The following CSMD3 variants were observed in gnomAD, a reference collection of about 807,000 sequenced individuals.
CSMD3 encodes CUB and sushi domain-containing protein 3.
CSMD3 carries 177 observed loss-of-function variants against 435.2 expected under a neutral mutation model. The observed-to-expected ratio is 0.41, with a 90% CI of 0.36 to 0.46. The LOEUF (loss-of-function observed/expected upper bound fraction) is 0.46. CSMD3 is among the 20% of genes least tolerant of loss of function. The pLI is 0.34. For synonymous variants in CSMD3, 1,656 were observed against 1,520.5 expected (o/e 1.09, Z -2.07); for missense variants, 4,265 against 4,504.6 (o/e 0.95, Z 1.52).
chr8:112,453,452 A>G (rs1007258092), intron 32 of CSMD3, among the ~76,000 whole-genome samples: 2 of 152,180 alleles, frequency 1.3e-5, no homozygotes, highest in African/African-American at 4.8e-5. Flanking sequence ...AATCTGTAGC[A>G]TTCCTATACA....
intron 21 of CSMD3, 36 bp downstream of exon 21, chr8:112,638,660 T>A (rs2131588007): frequency 7.8e-7 from 1 of 1,288,828 alleles, no homozygotes; most frequent in Non-Finnish European, 1.1e-6. Flanking sequence ...TTTTTAAAAG[T>A]TACTGAATGA....
At chr8:113,269,945 A>G (rs1407627557) in intron 3 of CSMD3, among the ~76,000 whole-genome samples, 1 of 151,820 alleles carries the variant, frequency 6.6e-6, no homozygotes, top group Admixed American at 6.6e-5. Flanking sequence ...ATGGCAACAA[A>G]AGACAAAATT....
chr8:112,782,041 A>G (rs1242389517), intron 13 of CSMD3, among the ~76,000 whole-genome samples: 1 of 152,140 alleles, frequency 6.6e-6, no homozygotes, highest in African/African-American at 2.4e-5. Flanking sequence ...GGCATCTACG[A>G]ACATCCACAA....
chr8:112,315,924 T>C (rs1451666756), intron 47 of CSMD3, among the ~76,000 whole-genome samples: 1 of 151,832 alleles, frequency 6.6e-6, no homozygotes, highest in East Asian at 1.9e-4. Flanking sequence ...AAACTACTAA[T>C]GTAGTTGCTG....
At chr8:112,372,950 G>GT (rs60504412) in intron 38 of CSMD3, among the ~76,000 whole-genome samples, 57,905 of 146,830 alleles carry the variant, frequency 0.39, 12,910 homozygotes, top group Middle Eastern at 0.55. Flanking sequence ...TGTCTGTGTA[G>GT]TAACTCTGCC....
chr8:113,052,419 T>G (rs190749155), intron 5 of CSMD3, among the ~76,000 whole-genome samples: 1 of 152,350 alleles, frequency 6.6e-6, no homozygotes, highest in East Asian at 1.9e-4. Context: ...ATTCAATTTT[T>G]TTAAAAAGCA....
intron 38 of CSMD3, among the ~76,000 whole-genome samples, chr8:112,376,912 G>A (rs1402577023): frequency 1.3e-5 from 2 of 152,104 alleles, no homozygotes; most frequent in African/African-American, 2.4e-5. Flanking sequence ...ATTTTAAGTA[G>A]AGTGTAAGAA....
intron 45 of CSMD3, among the ~76,000 whole-genome samples, chr8:112,331,198 A>T (rs996525317): frequency 2.0e-5 from 3 of 152,028 alleles, no homozygotes; most frequent in Admixed American, 6.6e-5. Context: ...ATTTATTTTG[A>T]GTAATTTATC....
At chr8:112,238,562 A>T (rs952569749) in intron 66 of CSMD3, among the ~76,000 whole-genome samples, 1 of 151,988 alleles carries the variant, frequency 6.6e-6, no homozygotes, top group Admixed American at 6.6e-5. Flanking sequence ...ATCACTTTGG[A>T]GTAATGTAAT....
chr8:113,240,283 G>A lies in CSMD3; in HGVS notation c.514+38309C>T, dbSNP rs534789830. On this transcript the variant is annotated intron_variant, in intron 3 of 70. Transcript: ENST00000297405. ...TGATGAGCATTTAGGTTGATTCCAT[G>A]TCTTTGCTGTTGTGAACAGTGCTGC... is the stretch of plus-strand genomic sequence containing the variant. Among the ~76,000 whole-genome samples the A allele has an allele frequency of 2.6e-5, 4 of 152,200 alleles. No homozygotes were observed. The South Asian group carries it at 6.2e-4, about 24-fold the overall frequency.
At position 113,210,044 on chromosome 8, in the gene CSMD3, G is replaced by GTGTGTGTGTGTGTGTGTA. The variant is rs57446626; in HGVS notation, c.515-36129_515-36128insTACACACACACACACACA. Among the ~76,000 whole-genome samples, 4 of 149,452 alleles carry GTGTGTGTGTGTGTGTGTA rather than the reference G, an allele frequency of 2.7e-5. No individual in the cohort carries two copies. In the East Asian group the frequency reaches 7.9e-4, roughly 29 times the overall value. The stretch of plus-strand genomic sequence containing the variant: ...TGTGTGTGTGTGTGTGTGTGTGTGT[G>GTGTGTGTGTGTGTGTGTA]TGATACACAGTGTTTTCTAATTTTA... On this transcript the variant is annotated intron_variant, in intron 3 of 70. Coordinates refer to ENST00000297405, the MANE Select transcript of CSMD3 (RefSeq NM_198123.2).
chr8:112,746,045 T>A (rs2077418317), intron 13 of CSMD3, among the ~76,000 whole-genome samples: 1 of 152,208 alleles, frequency 6.6e-6, no homozygotes, highest in African/African-American at 2.4e-5. Flanking sequence ...CTTTTCAGTA[T>A]GGGAAACTCA....
intron 27 of CSMD3, among the ~76,000 whole-genome samples, chr8:112,543,969 C>T (rs1826922628): frequency 6.6e-6 from 1 of 152,124 alleles, no homozygotes; most frequent in African/African-American, 2.4e-5. Context: ...AAGCCAGTCA[C>T]AGAAACACAA....
At chr8:112,758,183 T>A (rs1222138039) in intron 13 of CSMD3, among the ~76,000 whole-genome samples, 3 of 150,368 alleles carry the variant, frequency 2.0e-5, no homozygotes, top group Non-Finnish European at 4.4e-5. Flanking sequence ...TGAAACCCCA[T>A]CTCTACTGAA....
At chr8:112,630,584 G>T (rs553159531) in intron 22 of CSMD3, among the ~76,000 whole-genome samples, 1 of 152,166 alleles carries the variant, frequency 6.6e-6, no homozygotes, top group East Asian at 1.9e-4. Flanking sequence ...AATGAGAGCT[G>T]GGCTAGGACA....
chr8:113,081,895 C>G (rs1181871712), intron 5 of CSMD3, among the ~76,000 whole-genome samples: 1 of 152,072 alleles, frequency 6.6e-6, no homozygotes, highest in Non-Finnish European at 1.5e-5. Context: ...AGCAAAAACT[C>G]CCCAGATCCT....
intron 38 of CSMD3, among the ~76,000 whole-genome samples, chr8:112,369,822 A>C (rs1828150276): frequency 6.6e-6 from 1 of 152,026 alleles, no homozygotes. Context: ...TAGCACATGT[A>C]TACCTATGTA....
intron 9 of CSMD3, among the ~76,000 whole-genome samples, chr8:112,930,795 T>C (rs2083080876): frequency 1.3e-5 from 2 of 152,090 alleles, no homozygotes; most frequent in African/African-American, 4.8e-5. Flanking sequence ...AACTACCTCA[T>C]TGTCTGTGAA....
chr8:112,914,484 C>A (rs777698502), intron 10 of CSMD3, among the ~76,000 whole-genome samples: 8 of 151,490 alleles, frequency 5.3e-5, no homozygotes, highest in South Asian at 4.2e-4. Flanking sequence ...CCTAGCTCCA[C>A]AAAAATTACT....
Sources: allele counts gnomAD v4.1 joint callset (sites outside exome capture counted in the v4.1 genomes callset), GRCh38; gene constraint gnomAD v4.1.1; transcripts MANE v1.5; gene names NCBI Gene and HGNC (gene_info 2026-07-23, HGNC 2026-07-21).